The following DLG2 variants were observed in gnomAD, a reference collection of about 807,000 sequenced individuals.
DLG2 encodes discs large MAGUK scaffold protein 2.
A neutral mutation model predicts 132.5 loss-of-function variants in DLG2; 45 were observed. That is an observed-to-expected ratio of 0.34 (90% confidence interval 0.27 to 0.44). The LOEUF (loss-of-function observed/expected upper bound fraction) is 0.44. Among genes scored for constraint, DLG2 ranks in the 20% least tolerant of loss-of-function variants. The pLI is 1.00. For synonymous variants in DLG2, 424 were observed against 419.6 expected (o/e 1.01, Z -0.13); for missense variants, 1,045 against 1,196.9 (o/e 0.87, Z 1.87).
chr11:84,182,277 T>C (rs1420282081), intron 8 of DLG2, among the ~76,000 whole-genome samples: 2 of 151,956 alleles, frequency 1.3e-5, no homozygotes, highest in East Asian at 3.9e-4. Flanking sequence ...AGAAGAAATC[T>C]GAAGAGAAAT....
At chr11:83,484,009 G>T in intron 22 of DLG2, 120 bp downstream of exon 22, 1 of 772,222 alleles carries the variant, frequency 1.3e-6, no homozygotes, top group Non-Finnish European at 2.2e-6. Flanking sequence ...GACCTGCCCT[G>T]CCTGCCTGCT....
At chr11:83,888,720 A>G (rs1007368642) in intron 15 of DLG2, among the ~76,000 whole-genome samples, 2 of 152,218 alleles carry the variant, frequency 1.3e-5, no homozygotes, top group African/African-American at 4.8e-5. Flanking sequence ...ACAAGGCTAC[A>G]GTAACCAAAA....
intron 6 of DLG2, among the ~76,000 whole-genome samples, chr11:84,734,381 T>C (rs578073962): frequency 2.0e-5 from 3 of 152,302 alleles, no homozygotes; most frequent in Admixed American, 6.5e-5. Flanking sequence ...TTCCTAGGTA[T>C]TTTACTCTCT....
At chr11:85,411,042 T>C (rs1442745766) in intron 3 of DLG2, among the ~76,000 whole-genome samples, 1 of 151,488 alleles carries the variant, frequency 6.6e-6, no homozygotes, top group African/African-American at 2.4e-5. Context: ...TGGAAAGAGA[T>C]AAGGGAAAGA....
chr11:85,074,303 C>T (rs1367562453), intron 6 of DLG2, among the ~76,000 whole-genome samples: 2 of 151,830 alleles, frequency 1.3e-5, no homozygotes, highest in East Asian at 1.9e-4. Flanking sequence ...TCTAAAACTT[C>T]TCAGACACAC....
At chr11:85,203,907 T>G (rs1408422316) in intron 4 of DLG2, among the ~76,000 whole-genome samples, 3 of 151,994 alleles carry the variant, frequency 2.0e-5, no homozygotes, top group Non-Finnish European at 4.4e-5. Flanking sequence ...ACATAATACA[T>G]CACATTAACA....
At chr11:84,396,232 G>T (rs2098810518) in intron 7 of DLG2, among the ~76,000 whole-genome samples, 1 of 152,102 alleles carries the variant, frequency 6.6e-6, no homozygotes, top group African/African-American at 2.4e-5. Context: ...GAGTTTCCAG[G>T]AAGGACTTTG....
At chr11:84,145,697 A>G (rs1214350115) in intron 9 of DLG2, among the ~76,000 whole-genome samples, 2 of 152,162 alleles carry the variant, frequency 1.3e-5, no homozygotes, top group African/African-American at 4.8e-5. Flanking sequence ...AATGAACTGG[A>G]AGACAGCACT....
intron 3 of DLG2, among the ~76,000 whole-genome samples, chr11:85,527,169 T>C (rs2508230): frequency 6.9e-6 from 1 of 144,508 alleles, no homozygotes; most frequent in Non-Finnish European, 1.5e-5. Flanking sequence ...GCCTAAAGGA[T>C]GTTTTTATTT....
intron 8 of DLG2, among the ~76,000 whole-genome samples, chr11:84,180,032 A>T (rs2096074440): frequency 6.6e-6 from 1 of 152,180 alleles, no homozygotes; most frequent in Non-Finnish European, 1.5e-5. Context: ...GCATACTAAA[A>T]ATTAAAAGAA....
chr11:83,813,411 C>T (rs1479658015), intron 17 of DLG2, among the ~76,000 whole-genome samples: 1 of 152,116 alleles, frequency 6.6e-6, no homozygotes, highest in Non-Finnish European at 1.5e-5. Context: ...AAATTCCATC[C>T]TTTGCAGGAA....
chr11:83,541,648 C>T, intron 20 of DLG2, 34 bp downstream of exon 20: 3 of 1,519,110 alleles, frequency 2.0e-6, no homozygotes, highest in Non-Finnish European at 2.7e-6. Flanking sequence ...GGATAGCTGA[C>T]AAGCAAATAT....
intron 4 of DLG2, among the ~76,000 whole-genome samples, chr11:85,161,279 C>G (rs1009681060): frequency 6.6e-6 from 1 of 152,194 alleles, no homozygotes; most frequent in African/African-American, 2.4e-5. Context: ...GGCCCATGAA[C>G]AAAGTGGCCA....
chr11:85,310,845 C>T (rs2080269169), intron 3 of DLG2, among the ~76,000 whole-genome samples: 1 of 152,178 alleles, frequency 6.6e-6, no homozygotes, highest in South Asian at 2.1e-4. Flanking sequence ...TTTCCTCTTC[C>T]AAGTTTGGAC....
chr11:85,584,023 C>T (rs1484356099), intron 3 of DLG2, among the ~76,000 whole-genome samples: 1 of 151,922 alleles, frequency 6.6e-6, no homozygotes, highest in Non-Finnish European at 1.5e-5. Flanking sequence ...GTTTTTCTTT[C>T]AATAGTTTTA....
chr11:84,872,212 A>G (rs2085579038), intron 6 of DLG2, among the ~76,000 whole-genome samples: 1 of 152,218 alleles, frequency 6.6e-6, no homozygotes, highest in South Asian at 2.1e-4. Flanking sequence ...TTTCTCAGGA[A>G]TGGAAGTAGA....
At chr11:83,883,261 G>A (rs979894979) in intron 15 of DLG2, among the ~76,000 whole-genome samples, 3 of 152,082 alleles carry the variant, frequency 2.0e-5, no homozygotes, top group African/African-American at 7.2e-5. Context: ...TTTTGATGGT[G>A]TTATTTCCAA....
chr11:84,067,564 A>G (rs952880278), intron 10 of DLG2, among the ~76,000 whole-genome samples: 1 of 151,840 alleles, frequency 6.6e-6, no homozygotes, highest in Non-Finnish European at 1.5e-5. Flanking sequence ...CACCACACAC[A>G]CACACACACA....
intron 10 of DLG2, among the ~76,000 whole-genome samples, chr11:84,067,312 T>C (rs1032964974): frequency 2.6e-5 from 4 of 151,992 alleles, no homozygotes; most frequent in Non-Finnish European, 5.9e-5. Context: ...CCATCCTGGG[T>C]AACAGAGCGA....
Sources: allele counts gnomAD v4.1 joint callset (sites outside exome capture counted in the v4.1 genomes callset), GRCh38; gene constraint gnomAD v4.1.1; transcripts MANE v1.5; gene names NCBI Gene and HGNC (gene_info 2026-07-23, HGNC 2026-07-21).